MRI1: variants seen among roughly 807,000 people sequenced by gnomAD.
MRI1 encodes methylthioribose-1-phosphate isomerase.
MRI1 carries 32 observed loss-of-function variants against 27.3 expected under a neutral mutation model. The ratio of observed to expected loss-of-function variants is 1.17; its 90% CI spans 0.88 to 1.57. The LOEUF is 1.57. MRI1 is among the 40% of genes most tolerant of loss of function. The pLI is 0.00. For synonymous variants in MRI1, 216 were observed against 227.4 expected, an observed-to-expected ratio of 0.95 and a Z score of 0.45; for missense variants, 508 against 516.1, an observed-to-expected ratio of 0.98 and a Z score of 0.15.
At position 13,764,715 on chromosome 19, in the gene MRI1, A is replaced by G. The variant is rs932332649; in HGVS notation, c.127A>G (p.Met43Val). ...CCAGGCCTGGGAGGCCATCCGCGCC[A>G]TGAAGGTGCAGCGGGGCGGCGGGGC... ...VHQAWEAIRA[M>V]KVRGAPAIAL... The change falls in exon 1 of 6, where the codon ATG becomes GTG. Residue 43 changes from methionine (M) to valine (V), a missense_variant. Met to Val is a conservative substitution (Grantham distance 21). Coordinates refer to ENST00000040663, the MANE Select transcript of MRI1 (RefSeq NM_001031727.4). 7.4e-7 allele frequency: 1 copy of G among 1,357,812 alleles called. No homozygotes were observed. Among genetic ancestry groups the G allele is most frequent in the Non-Finnish European group, 9.6e-7 (1 of 1,044,942 alleles). The allele number at this position is 1,357,812 out of a possible 1,614,324, so 84.1% of individuals were successfully genotyped here.
At position 13,772,278 on chromosome 19, in the gene MRI1, G is replaced by A; in HGVS notation, c.1107G>A (p.Met369Ile). ...ATGGAACCCTAGATGGACCCCAGAT[G>A]TAACCAACTCAGCTCTCCCTAGCCT... Reference protein sequence around the residue: ...SRDGTLDGPQM With the variant: ...SRDGTLDGPQI The change falls in exon 6 of 6, where the codon ATG becomes ATA. Residue 369 changes from methionine (M) to isoleucine (I), a missense_variant. Coordinates refer to ENST00000040663, the MANE Select transcript of MRI1 (RefSeq NM_001031727.4). 1.9e-6 allele frequency: 3 copies of A among 1,612,154 alleles called. No individual in the cohort carries two copies. The highest frequency in any genetic ancestry group is 2.5e-6 in the Non-Finnish European group (3 of 1,179,198).
rs1296464406 is a variant in MRI1 at position 13,765,096 on chromosome 19, G to A, written c.358G>A (p.Ala120Thr). 4.5e-6 allele frequency: 7 copies of A among 1,541,344 alleles called. No individual in the cohort carries two copies. The highest frequency in any genetic ancestry group is 6.1e-6 in the Non-Finnish European group (7 of 1,150,774). The change falls in exon 2 of 6, where the codon GCG becomes ACG. Residue 120 changes from alanine to threonine, a missense_variant. By Grantham distance (58) the Ala-to-Thr change is moderately conservative. Transcript: ENST00000040663. ...CGAACGGGAGGGCGCTACGGAAGAGGCGGTCCGGGAGAGGTACGGGGATCT... is the reference window on the plus strand; with the variant it reads ...CGAACGGGAGGGCGCTACGGAAGAGACGGTCCGGGAGAGGTACGGGGATCT... ...EAEREGATEE[A>T]VRERVICCTE...
At chr19:13,768,356 C>T in intron 3 of MRI1, 1 of 1,393,422 alleles carries the variant, frequency 7.2e-7, no homozygotes, top group Non-Finnish European at 1.0e-6. Flanking sequence ...GTCCTTTAAA[C>T]AGACGTGAAA....
In MRI1 at chr19:13,774,129, A is replaced by T; in HGVS notation, c.*1848A>T. The T allele has an allele frequency of 4.7e-6, 1 of 210,688 alleles. No homozygotes were observed. The highest frequency in any genetic ancestry group is 1.1e-4 in the East Asian group (1 of 9,458). The allele number at this position is 210,688 out of a possible 1,614,324, so 13.1% of individuals were successfully genotyped here. ...TTTTTAAGTCTTGAAAATATTGTTT[A>T]CTATTACCAAAGTTTTTGAACCTTC... On this transcript the variant is annotated 3_prime_UTR_variant, in exon 6 of 6. Transcript: ENST00000040663.
At position 13,769,864 on chromosome 19, in the gene MRI1, G is replaced by C. The variant is rs529601831; in HGVS notation, c.949+816G>C. 2.0e-5 allele frequency among the ~76,000 whole-genome samples: 3 copies of C among 151,806 alleles called. No homozygotes were observed. In the South Asian group the frequency reaches 6.2e-4, roughly 32 times the overall value. On this transcript the variant is annotated intron_variant, in intron 5 of 5. Coordinates refer to ENST00000040663, the MANE Select transcript of MRI1 (RefSeq NM_001031727.4). ...GAACCTGAGAGGCGGAGGTTGTGGTGAGCTGAGATTACACCATTGCACTCC... is the reference window on the plus strand; with the variant it reads ...GAACCTGAGAGGCGGAGGTTGTGGTCAGCTGAGATTACACCATTGCACTCC...
chr19:13,772,485 C>T lies in MRI1; in HGVS notation c.*204C>T, dbSNP rs1974289615. Reference sequence around the variant, plus strand: ...TCCGCCACTTTTCCCACTGTATGATCTTGGGCAAGTCACTTCACCTCTCTG... The same window carrying T: ...TCCGCCACTTTTCCCACTGTATGATTTTGGGCAAGTCACTTCACCTCTCTG... On this transcript the variant is annotated 3_prime_UTR_variant, in exon 6 of 6. Coordinates refer to ENST00000040663, the MANE Select transcript of MRI1 (RefSeq NM_001031727.4). 3.9e-6 allele frequency: 2 copies of T among 509,006 alleles called. No homozygotes were observed. The highest frequency in any genetic ancestry group is 7.3e-5 in the Admixed American group (2 of 27,530). 31.5% of individuals were successfully genotyped at this position (509,006 alleles called of 1,614,324 possible).
chr19:13,767,037 ATTTTTTTTTTTTT>A (rs1161584156), intron 3 of MRI1, among the ~76,000 whole-genome samples: 59 of 21,092 alleles, frequency 2.8e-3, no homozygotes, highest in African/African-American at 3.9e-3. Flanking sequence ...ATATATATAT[ATTTTTTTTTTTTT>A]TTTTTTTTTT....
At position 13,764,566 on chromosome 19, in the gene MRI1, G is replaced by A. The variant is rs770247762; in HGVS notation, c.-23G>A. On this transcript the variant is annotated 5_prime_UTR_variant, in exon 1 of 6. Transcript: ENST00000040663. ...GCGGACCCCTAGCTCCCTCTGAGTTGCGCTGGGCTTGGCTGCTGCACCATG... is the reference window on the plus strand; with the variant it reads ...GCGGACCCCTAGCTCCCTCTGAGTTACGCTGGGCTTGGCTGCTGCACCATG... 4 of 1,603,270 alleles carry A rather than the reference G, an allele frequency of 2.5e-6. No individual in the cohort carries two copies. Among genetic ancestry groups the A allele is most frequent in the South Asian group, 2.2e-5 (2 of 90,996 alleles).
Position 13,764,595 on chromosome 19 carries a change from C to G in MRI1, c.7C>G (p.Leu3Val). Reference sequence around the variant, plus strand: ...TGGGCTTGGCTGCTGCACCATGACCCTGGAGGCGATCCGCTACTCGCGGGG... The same window carrying G: ...TGGGCTTGGCTGCTGCACCATGACCGTGGAGGCGATCCGCTACTCGCGGGG... MT[L>V]EAIRYSRGSL... is the part of the protein sequence containing the mutation. Residue 3 changes from leucine to valine, a missense_variant, in exon 1 of 6, where the codon CTG (leucine) becomes GTG (valine). Leu to Val is a conservative substitution (Grantham distance 32). This residue lies in a region of MRI1 where 32 missense variants were observed against 20.2 expected (regional missense o/e 1.58). Transcript: ENST00000040663. 6.2e-7 allele frequency: 1 copy of G among 1,609,008 alleles called. No homozygotes were observed.
intron 2 of MRI1, 38 bp downstream of exon 2, chr19:13,765,147 A>G (rs1416012309): frequency 2.8e-6 from 4 of 1,447,604 alleles, no homozygotes; most frequent in African/African-American, 2.9e-5. Flanking sequence ...GCTGAGCAGG[A>G]ATTATATTGA....
intron 5 of MRI1, among the ~76,000 whole-genome samples, chr19:13,770,460 G>A (rs892442663): frequency 1.3e-5 from 2 of 152,126 alleles, no homozygotes; most frequent in African/African-American, 4.8e-5. Flanking sequence ...GGTGGCACAT[G>A]CCTGTAGTCC....
rs1053906042 is a variant in MRI1, at chr19:13,772,214, A to T, written c.1043A>T (p.Glu348Val). 2.5e-6 allele frequency: 4 copies of T among 1,613,966 alleles called. No individual in the cohort carries two copies. Among genetic ancestry groups the T allele is most frequent in the Admixed American group, 3.3e-5 (2 of 59,990 alleles). Residue 348 changes from glutamate to valine, a missense_variant, in exon 6 of 6, where the codon GAG becomes GTG. Transcript: ENST00000040663. Reference sequence around the variant, plus strand: ...GAACTGGGGGTCTTTGCCCCTGAGGAGCTCCGGACAGCCCTAACCACCACC... The same window carrying T: ...GAACTGGGGGTCTTTGCCCCTGAGGTGCTCCGGACAGCCCTAACCACCACC... ...ITELGVFAPE[E>V]LRTALTTTIS...
Position 13,764,616 on chromosome 19 carries a change from CG to C in MRI1, c.32del (p.Gly11AlafsTer6). Reference protein sequence around the residue: MTLEAIRYSRGSLQILDQLL... With the variant: MTLEAIRYSXGSLQILDQLL... ...GACCCTGGAGGCGATCCGCTACTCG[CG>C]GGGCTCCCTGCAGATCCTAGACCAG... On this transcript the variant is annotated frameshift_variant, in exon 1 of 6. Coordinates refer to ENST00000040663, the MANE Select transcript of MRI1 (RefSeq NM_001031727.4). LOFTEE classifies it high-confidence loss of function. 1.9e-6 allele frequency: 3 copies of C among 1,609,644 alleles called. No individual in the cohort carries two copies. Among genetic ancestry groups the C allele is most frequent in the Non-Finnish European group, 2.5e-6 (3 of 1,179,290 alleles).
In MRI1 at chr19:13,766,217, A is replaced by G. The variant is rs1200305274; in HGVS notation, c.547+88A>G. Reference sequence around the variant, plus strand: ...AAGAATCCCAAACCCAAACCACTTTATCCACAAAAAAAATGGGAAGGTACT... The same window carrying G: ...AAGAATCCCAAACCCAAACCACTTTGTCCACAAAAAAAATGGGAAGGTACT... On this transcript the variant is annotated intron_variant, in intron 3 of 5. Coordinates refer to ENST00000040663, the MANE Select transcript of MRI1 (RefSeq NM_001031727.4). 3.2e-5 allele frequency: 41 copies of G among 1,287,530 alleles called. 1 individual carries two copies. The highest frequency in any genetic ancestry group is 2.8e-4 in the Middle Eastern group (1 of 3,634). The allele number at this position is 1,287,530 out of a possible 1,614,324, so 79.8% of individuals were successfully genotyped here.
In MRI1 at chr19:13,764,695, C is replaced by T; in HGVS notation, c.107C>T (p.Ala36Val). ...GAGGCGGTGGGCTCGGTGCACCAGG[C>T]CTGGGAGGCCATCCGCGCCATGAAG... The part of the protein sequence containing the change: ...RYEAVGSVHQ[A>V]WEAIRAMKVR... The change falls in exon 1 of 6, where the codon GCC becomes GTC. Residue 36 changes from alanine (A) to valine (V), a missense_variant. By Grantham distance (64) the Ala-to-Val change is moderately conservative. Coordinates refer to ENST00000040663, the MANE Select transcript of MRI1 (RefSeq NM_001031727.4). The T allele has an allele frequency of 6.5e-7, 1 of 1,538,320 alleles. No individual in the cohort carries two copies. The highest frequency in any genetic ancestry group is 8.7e-7 in the Non-Finnish European group (1 of 1,145,426).
chr19:13,765,328 T>C (rs1974098646), intron 2 of MRI1, among the ~76,000 whole-genome samples: 1 of 152,144 alleles, frequency 6.6e-6, no homozygotes, highest in African/African-American at 2.4e-5. Flanking sequence ...AGCCTGGCCC[T>C]GAAACCTAAC....
Position 13,773,361 on chromosome 19 carries a change from C to T in MRI1, c.*1080C>T, listed in dbSNP as rs1974311122. 1 of 150,490 alleles carries T rather than the reference C, an allele frequency of 6.6e-6. No individual in the cohort carries two copies. Among genetic ancestry groups the T allele is most frequent in the South Asian group, 2.1e-4 (1 of 4,744 alleles). 9.3% of individuals were successfully genotyped at this position (150,490 alleles called of 1,614,324 possible). On this transcript the variant is annotated 3_prime_UTR_variant, in exon 6 of 6. Coordinates refer to ENST00000040663, the MANE Select transcript of MRI1 (RefSeq NM_001031727.4). ...TTAATGCAAAAATCCATGATGAGGC[C>T]AGGCTTGGTGGCTCATGCCTGTAAT...
Position 13,772,199 on chromosome 19 carries a change from T to TGAGGAG in MRI1, c.1028_1029insGAGGAG (p.Val343_Phe344insArgSer). 1 of 1,613,804 alleles carries TGAGGAG rather than the reference T, an allele frequency of 6.2e-7. No homozygotes were observed. Among genetic ancestry groups the TGAGGAG allele is most frequent in the Non-Finnish European group, 8.5e-7 (1 of 1,179,910 alleles). On this transcript the variant is annotated inframe_insertion, in exon 6 of 6. Transcript: ENST00000040663. ...GGTGGCATCATCACAGAACTGGGGG[T>TGAGGAG]CTTTGCCCCTGAGGAGCTCCGGACA... is the stretch of plus-strand genomic sequence containing the variant.
In MRI1 at chr19:13,773,494, A is replaced by G. The variant is rs1444839852; in HGVS notation, c.*1213A>G. On this transcript the variant is annotated 3_prime_UTR_variant, in exon 6 of 6. Transcript: ENST00000040663. Reference sequence around the variant, plus strand: ...AAAATTTAAAAACAATGAGCTGGGCATGGAACTCACACCTCTAGCCCCAGC... The same window carrying G: ...AAAATTTAAAAACAATGAGCTGGGCGTGGAACTCACACCTCTAGCCCCAGC... 1 of 152,626 alleles carries G rather than the reference A, an allele frequency of 6.6e-6. No homozygotes were observed. The highest frequency in any genetic ancestry group is 1.5e-5 in the Non-Finnish European group (1 of 68,030). The allele number at this position is 152,626 out of a possible 1,614,324, so 9.5% of individuals were successfully genotyped here.
Sources: gnomAD v4.1 joint callset for allele counts (sites outside exome capture counted in the v4.1 genomes callset) on GRCh38, gnomAD v4.1.1 for gene constraint, gnomAD v4.1.1 regional missense constraint, MANE v1.5 for transcripts, NCBI Gene and HGNC (gene_info 2026-07-23, HGNC 2026-07-21) for gene names.